BRINP3: variants seen among roughly 807,000 people sequenced by gnomAD.
BRINP3 encodes the protein BMP/retinoic acid-inducible neural-specific protein 3.
In BRINP3, 19 loss-of-function variants were observed where a neutral mutation model predicts 71.0. That is an observed-to-expected ratio of 0.27 (90% CI 0.19 to 0.39). BRINP3 has a LOEUF of 0.39. BRINP3 is among the 10% of genes least tolerant of loss of function. BRINP3 has a pLI of 1.00. For missense variants in BRINP3, 959 were observed against 940.8 expected, an observed-to-expected ratio of 1.02 and a Z score of -0.25; for synonymous variants, 380 against 337.7, an observed-to-expected ratio of 1.13 and a Z score of -1.37.
At chr1:190,439,796 A>C (rs964356053) in intron 2 of BRINP3, among the ~76,000 whole-genome samples, 3 of 151,966 alleles carry the variant, frequency 2.0e-5, no homozygotes, top group Non-Finnish European at 4.4e-5. Context: ...GTCAATAATA[A>C]ATTTTATTTC....
intron 2 of BRINP3, among the ~76,000 whole-genome samples, chr1:190,337,793 A>G (rs1667387108): frequency 6.6e-6 from 1 of 152,092 alleles, no homozygotes. Flanking sequence ...CTATCCTATT[A>G]GTCCTGTTCT....
chr1:190,297,442 A>G (rs578003694), intron 2 of BRINP3, among the ~76,000 whole-genome samples: 34 of 152,260 alleles, frequency 2.2e-4, no homozygotes, highest in African/African-American at 7.7e-4. Flanking sequence ...CTGTGGAGAG[A>G]AAAGCTCCTT....
intron 2 of BRINP3, among the ~76,000 whole-genome samples, chr1:190,287,609 C>T (rs1309398194): frequency 8.5e-5 from 13 of 152,088 alleles, no homozygotes; most frequent in Admixed American, 8.5e-4. Flanking sequence ...CTGATAAGCA[C>T]TGATTAATGA....
rs574563725 is a variant in BRINP3, at chr1:190,142,942, T to A, written c.1184+17726A>T. On this transcript the variant is annotated intron_variant, in intron 7 of 7. Coordinates refer to ENST00000367462, the MANE Select transcript of BRINP3 (RefSeq NM_199051.3). ...AAATTTCCTGAAAGGCCGTAAGTAG[T>A]TTTTATTTTTCCTTTTCCAGATATT... Among the ~76,000 whole-genome samples the A allele has an allele frequency of 3.9e-5, 6 of 152,242 alleles. No homozygotes were observed. The South Asian group carries it at 1.2e-3, about 32-fold the overall frequency.
intron 2 of BRINP3, among the ~76,000 whole-genome samples, chr1:190,341,534 T>C (rs1667654542): frequency 1.3e-5 from 2 of 151,796 alleles, no homozygotes; most frequent in South Asian, 4.1e-4. Context: ...TATAGCATAA[T>C]ACTTCCAATG....
At chr1:190,199,562 T>A (rs1432342145) in intron 6 of BRINP3, among the ~76,000 whole-genome samples, 1 of 152,052 alleles carries the variant, frequency 6.6e-6, no homozygotes, top group East Asian at 1.9e-4. Context: ...TATTTTTCTG[T>A]AATATTTGGA....
At chr1:190,119,294 T>G (rs1653425230) in intron 7 of BRINP3, among the ~76,000 whole-genome samples, 1 of 149,724 alleles carries the variant, frequency 6.7e-6, no homozygotes, top group Non-Finnish European at 1.5e-5. Flanking sequence ...TATTATTATT[T>G]TGAGATGGAG....
chr1:190,313,797 A>C (rs914709384), intron 2 of BRINP3, among the ~76,000 whole-genome samples: 3 of 152,092 alleles, frequency 2.0e-5, no homozygotes, highest in African/African-American at 7.2e-5. Flanking sequence ...GACAGACAGA[A>C]TTCTAACCCA....
At chr1:190,427,006 C>A in intron 2 of BRINP3, among the ~76,000 whole-genome samples, 1 of 151,814 alleles carries the variant, frequency 6.6e-6, no homozygotes, top group East Asian at 1.9e-4. Context: ...TTAAGGTTAA[C>A]TCTCTTATCT....
rs1409293136 is a variant in BRINP3, at chr1:190,161,555, G to A, written c.962-665C>T. ...AAAAAAATACTGAAAAGAATTTAAAGCTGAAATATTGGCTTTTGTTTTTGA... is the reference window on the plus strand; with the variant it reads ...AAAAAAATACTGAAAAGAATTTAAAACTGAAATATTGGCTTTTGTTTTTGA... On this transcript the variant is annotated intron_variant, in intron 6 of 7. Transcript: ENST00000367462. Among the ~76,000 whole-genome samples the A allele has an allele frequency of 3.3e-5, 5 of 151,872 alleles. No homozygotes were observed. The East Asian group carries it at 9.7e-4, about 29-fold the overall frequency.
chr1:190,362,622 T>C (rs771566157), intron 2 of BRINP3, among the ~76,000 whole-genome samples: 1 of 152,154 alleles, frequency 6.6e-6, no homozygotes, highest in Non-Finnish European at 1.5e-5. Flanking sequence ...AATTCCAACA[T>C]GTTGTGGGAG....
chr1:190,140,279 C>A (rs1487255737), intron 7 of BRINP3, among the ~76,000 whole-genome samples: 1 of 152,036 alleles, frequency 6.6e-6, no homozygotes, highest in Non-Finnish European at 1.5e-5. Flanking sequence ...TCAAAACCAT[C>A]TTGGTTATCC....
intron 3 of BRINP3, among the ~76,000 whole-genome samples, chr1:190,273,063 T>C (rs1435513314): frequency 6.6e-6 from 1 of 151,282 alleles, no homozygotes; most frequent in Non-Finnish European, 1.5e-5. Flanking sequence ...GTTTTTTTTT[T>C]TCAATTGTGC....
At chr1:190,395,824 C>T (rs1023052779) in intron 2 of BRINP3, among the ~76,000 whole-genome samples, 1 of 151,772 alleles carries the variant, frequency 6.6e-6, no homozygotes, top group Admixed American at 6.6e-5. Context: ...TCCATCGATG[C>T]TCTTTAAGTT....
At chr1:190,176,890 A>T (rs10920657) in intron 6 of BRINP3, among the ~76,000 whole-genome samples, 2,053 of 152,244 alleles carry the variant, frequency 0.013, 37 homozygotes, top group African/African-American at 0.047. Flanking sequence ...TGTACCAAAG[A>T]GAGCTCATCT....
chr1:190,170,503 C>T (rs562692910), intron 6 of BRINP3, among the ~76,000 whole-genome samples: 1 of 152,160 alleles, frequency 6.6e-6, no homozygotes, highest in Non-Finnish European at 1.5e-5. Flanking sequence ...GCAGTTAGAG[C>T]TTAGTCATAT....
intron 7 of BRINP3, among the ~76,000 whole-genome samples, chr1:190,153,142 G>C (rs1183405925): frequency 1.3e-5 from 2 of 152,106 alleles, no homozygotes; most frequent in Non-Finnish European, 1.5e-5. Flanking sequence ...GAACAGTGGG[G>C]TACATGCACG....
At chr1:190,134,923 C>T (rs1654846980) in intron 7 of BRINP3, among the ~76,000 whole-genome samples, 1 of 152,106 alleles carries the variant, frequency 6.6e-6, no homozygotes, top group Non-Finnish European at 1.5e-5. Flanking sequence ...AGGTGTATCT[C>T]AGTGCCTCTT....
chr1:190,209,174 T>C (rs1655773569), intron 6 of BRINP3, among the ~76,000 whole-genome samples: 1 of 152,136 alleles, frequency 6.6e-6, no homozygotes, highest in African/African-American at 2.4e-5. Context: ...AGAGAAAGCT[T>C]AATCTTCTTA....
Sources: allele counts gnomAD v4.1 joint callset (sites outside exome capture counted in the v4.1 genomes callset), GRCh38; gene constraint gnomAD v4.1.1; transcripts MANE v1.5; gene names NCBI Gene and HGNC (gene_info 2026-07-23, HGNC 2026-07-21).